Variants in CHRNA4 observed in about 807,000 individuals in gnomAD.
CHRNA4 encodes cholinergic receptor nicotinic alpha 4 subunit, also known as neuronal acetylcholine receptor subunit alpha-4.
In CHRNA4, 28 loss-of-function variants were observed where a neutral mutation model predicts 48.9. That is an observed-to-expected ratio of 0.57 (90% CI 0.42 to 0.79). CHRNA4 has a LOEUF of 0.79. Ranked by LOEUF, CHRNA4 falls within the 30% of genes least tolerant of loss-of-function variation. CHRNA4 has a pLI of 0.00. For missense variants in CHRNA4, 859 were observed against 898.4 expected, an observed-to-expected ratio of 0.96 and a Z score of 0.56; for synonymous variants, 425 against 402.3, an observed-to-expected ratio of 1.06 and a Z score of -0.68.
chr20:63,348,400 G>T (rs1290195884), intron 5 of CHRNA4, among the ~76,000 whole-genome samples: 5 of 152,376 alleles, frequency 3.3e-5, no homozygotes. Flanking sequence ...ACCTGCAGGA[G>T]GTTTTGCAGC....
chr20:63,343,358 C>G lies in CHRNA4; in HGVS notation c.*3380G>C, dbSNP rs1173220235. ...GCCACACGGTCGGCGGGGCTTGGTC[C>G]ATGGGGCTGGCCGGGCTTGCATCCC... On this transcript the variant is annotated 3_prime_UTR_variant, in exon 6 of 6. Coordinates refer to ENST00000370263, the MANE Select transcript of CHRNA4 (RefSeq NM_000744.7). 2.2e-6 allele frequency: 1 copy of G among 454,018 alleles called. No homozygotes were observed. Among genetic ancestry groups the G allele is most frequent in the Non-Finnish European group, 4.4e-6 (1 of 226,744 alleles). The allele number at this position is 454,018 out of a possible 1,614,324, so 28.1% of individuals were successfully genotyped here.
chr20:63,358,270 C>A (rs762172634), intron 2 of CHRNA4, among the ~76,000 whole-genome samples: 13 of 152,178 alleles, frequency 8.5e-5, no homozygotes, highest in Non-Finnish European at 1.3e-4. Context: ...AGCCTGTCCG[C>A]GGGAATGTGG....
rs1180711317 is a variant in CHRNA4, at chr20:63,343,705, G to C, written c.*3033C>G. 4.5e-6 allele frequency: 2 copies of C among 446,810 alleles called. No individual in the cohort carries two copies. The highest frequency in any genetic ancestry group is 4.0e-5 in the African/African-American group (2 of 49,768). The allele number at this position is 446,810 out of a possible 1,614,324, so 27.7% of individuals were successfully genotyped here. Reference sequence around the variant, plus strand: ...AAGCCCTGGCCAGGGCCTTCACTGGGGCCTCCCCTGGGAAGGAGGGGGCAG... The same window carrying C: ...AAGCCCTGGCCAGGGCCTTCACTGGCGCCTCCCCTGGGAAGGAGGGGGCAG... On this transcript the variant is annotated 3_prime_UTR_variant, in exon 6 of 6. Coordinates refer to ENST00000370263, the MANE Select transcript of CHRNA4 (RefSeq NM_000744.7).
Position 63,361,321 on chromosome 20 carries a change from G to C in CHRNA4, c.-156C>G. 8.3e-7 allele frequency: 1 copy of C among 1,200,138 alleles called. No homozygotes were observed. Among genetic ancestry groups the C allele is most frequent in the Non-Finnish European group, 1.0e-6 (1 of 969,760 alleles). The allele number at this position is 1,200,138 out of a possible 1,614,324, so 74.3% of individuals were successfully genotyped here. On this transcript the variant is annotated 5_prime_UTR_variant, in exon 1 of 6. Transcript: ENST00000370263. ...CTCCTGTGGGGCGCGGTGCGGCGGC[G>C]GCGCGGCAGGGAGCGCCGGGCTGTG...
Position 63,344,565 on chromosome 20 carries a change from C to T in CHRNA4, c.*2173G>A, listed in dbSNP as rs1477897387. 8.8e-6 allele frequency: 4 copies of T among 453,392 alleles called. No homozygotes were observed. The highest frequency in any genetic ancestry group is 1.6e-5 in the South Asian group (1 of 64,430). 28.1% of individuals were successfully genotyped at this position (453,392 alleles called of 1,614,324 possible). On this transcript the variant is annotated 3_prime_UTR_variant, in exon 6 of 6. Transcript: ENST00000370263. The surrounding 1 kb of genome is among the most constrained non-coding windows in gnomAD (Gnocchi z 4.5). ...CACCCCCGGCAGGAGGGTCCCCCGG[C>T]AGGAGCGTCCCAGCCACTCCGCAGT...
intron 4 of CHRNA4, among the ~76,000 whole-genome samples, chr20:63,351,536 C>G (rs1302770332): frequency 6.6e-6 from 1 of 152,186 alleles, no homozygotes; most frequent in Non-Finnish European, 1.5e-5. Flanking sequence ...CCCCGCCCCT[C>G]CAAGCAGCAC....
In CHRNA4 at chr20:63,350,907, G is replaced by C; in HGVS notation, c.504C>G (p.Phe168Leu). ...KSSCSIDVTF[F>L]PFDQQNCTMK... ...TGGTGCAGTTCTGCTGGTCGAAGGG[G>C]AAGAAGGTGACGTCGATGCTGCAGG... is the stretch of plus-strand genomic sequence containing the variant. Residue 168 changes from phenylalanine to leucine, a missense_variant, in exon 5 of 6, where the codon TTC (phenylalanine) becomes TTG (leucine). Physicochemically the swap from Phe to Leu is conservative, Grantham distance 22. Coordinates refer to ENST00000370263, the MANE Select transcript of CHRNA4 (RefSeq NM_000744.7). 1 of 1,614,026 alleles carries C rather than the reference G, an allele frequency of 6.2e-7. No individual in the cohort carries two copies. Among genetic ancestry groups the C allele is most frequent in the Non-Finnish European group, 8.5e-7 (1 of 1,180,020 alleles).
rs377710424 is a variant in CHRNA4, at chr20:63,347,318, C to G, written c.1759-455G>C. Among the ~76,000 whole-genome samples, 44 of 152,320 alleles carry G rather than the reference C, an allele frequency of 2.9e-4. 1 individual carries two copies. In the South Asian group the frequency reaches 7.7e-3, roughly 26 times the overall value. On this transcript the variant is annotated intron_variant, in intron 5 of 5. Transcript: ENST00000370263. Reference sequence around the variant, plus strand: ...AGATGGGCAAATGTGGCCCGGTGGGCGCACAGAGGGCGGACGAAAGCAGCA... The same window carrying G: ...AGATGGGCAAATGTGGCCCGGTGGGGGCACAGAGGGCGGACGAAAGCAGCA...
chr20:63,350,381 C>A lies in CHRNA4; in HGVS notation c.1030G>T (p.Val344Leu), dbSNP rs928557634. 5 of 1,613,826 alleles carry A rather than the reference C, an allele frequency of 3.1e-6. No individual in the cohort carries two copies. The highest frequency in any genetic ancestry group is 4.2e-6 in the Non-Finnish European group (5 of 1,180,032). ...ACGATGTCCAGGAAGACCCTGCGTA[C>A]CCAGGTGGGCATGGTGTGCGTGCGT... ...SPRTHTMPTW[V>L]RRVFLDIVPR... is the part of the protein sequence containing the mutation. Residue 344 changes from valine to leucine, a missense_variant, in exon 5 of 6, where the codon GTA becomes TTA. Physicochemically the swap from Val to Leu is conservative, Grantham distance 32. This residue lies in a region of CHRNA4 where 478 missense variants were observed against 455.4 expected (regional missense o/e 1.05). Coordinates refer to ENST00000370263, the MANE Select transcript of CHRNA4 (RefSeq NM_000744.7).
chr20:63,361,124 C>T lies in CHRNA4; in HGVS notation c.42G>A (p.Pro14=), dbSNP rs565990502. 1.1e-4 allele frequency: 164 copies of T among 1,477,786 alleles called. No homozygotes were observed. The African/African-American group carries it at 2.1e-3, about 19-fold the overall frequency. 91.5% of individuals were successfully genotyped at this position (1,477,786 alleles called of 1,614,324 possible). A position where few individuals can be genotyped will look rare whatever the true frequency, so the allele number is the denominator to read the frequency against. The change falls in exon 1 of 6, where the codon CCG becomes CCA. Residue 14 remains proline, a synonymous_variant. Transcript: ENST00000370263. ...GGCCGGTCCCCAGAAGCAGCAGCAG[C>T]GGCGGCAGCAGCCGCGGCGCTCCGG... ...GGPGAPRLLP[P]LLLLLGTGLL...
In CHRNA4 at chr20:63,345,337, G is replaced by A. The variant is rs201456779; in HGVS notation, c.*1401C>T. 1.8e-5 allele frequency: 8 copies of A among 451,306 alleles called. No homozygotes were observed. The highest frequency in any genetic ancestry group is 9.4e-5 in the Admixed American group (4 of 42,422). 28.0% of individuals were successfully genotyped at this position (451,306 alleles called of 1,614,324 possible). A position where few individuals can be genotyped will look rare whatever the true frequency, so the allele number is the denominator to read the frequency against. ...CTTCCTGACTGTCTCCTCCTGAACC[G>A]ATGTCACTCACAGGCAGGGGACACG... On this transcript the variant is annotated 3_prime_UTR_variant, in exon 6 of 6. Coordinates refer to ENST00000370263, the MANE Select transcript of CHRNA4 (RefSeq NM_000744.7). This position sits in a 1 kb window ranked among gnomAD's most constrained non-coding sequence, Gnocchi z 5.4.
intron 5 of CHRNA4, 168 bp downstream of exon 5, chr20:63,349,485 C>T (rs1448771709): frequency 1.1e-6 from 1 of 896,696 alleles, no homozygotes; most frequent in Non-Finnish European, 1.7e-6. Context: ...CCTGCGGCCA[C>T]ATAGCAGGCT....
At chr20:63,349,213 CG>C (rs1267514731) in intron 5 of CHRNA4, among the ~76,000 whole-genome samples, 2 of 152,088 alleles carry the variant, frequency 1.3e-5, no homozygotes, top group Non-Finnish European at 2.9e-5. Flanking sequence ...GCCCCAGATA[CG>C]GAGGGGCCCC....
In CHRNA4 at chr20:63,356,392, G is replaced by T; in HGVS notation, c.252C>A (p.Thr84=). 1 of 1,601,884 alleles carries T rather than the reference G, an allele frequency of 6.2e-7. No individual in the cohort carries two copies. The highest frequency in any genetic ancestry group is 8.5e-7 in the Non-Finnish European group (1 of 1,174,838). Residue 84 remains threonine, a synonymous_variant, in exon 3 of 6, where the codon ACC becomes ACA. Coordinates refer to ENST00000370263, the MANE Select transcript of CHRNA4 (RefSeq NM_000744.7). ...IDVDEKNQMM[T]TNVWVKQEWH... ...TCACCTGCTTCACCCATACGTTCGT[G>T]GTCATCATCTGGTTCTTCTCATCCT...
intron 2 of CHRNA4, among the ~76,000 whole-genome samples, chr20:63,357,491 G>T (rs1377635497): frequency 6.6e-6 from 1 of 152,240 alleles, no homozygotes; most frequent in African/African-American, 2.4e-5. Context: ...GGCCTGGGCT[G>T]GTTGGAAAAG....
intron 5 of CHRNA4, among the ~76,000 whole-genome samples, chr20:63,347,659 C>T (rs939328458): frequency 2.6e-5 from 4 of 152,184 alleles, no homozygotes; most frequent in Non-Finnish European, 4.4e-5. Flanking sequence ...CTGGCCACTG[C>T]CCTCGCCCCG....
intron 5 of CHRNA4, among the ~76,000 whole-genome samples, chr20:63,347,176 C>T (rs572481245): frequency 2.0e-4 from 31 of 152,332 alleles, no homozygotes; most frequent in African/African-American, 7.5e-4. Flanking sequence ...CCCCACTTCT[C>T]AGCAGGCGGC....
intron 4 of CHRNA4, among the ~76,000 whole-genome samples, chr20:63,352,158 TCTGC>T (rs45438201): frequency 0.096 from 14,635 of 152,178 alleles, 748 homozygotes; most frequent in Middle Eastern, 0.19. Context: ...CCATCCCTCC[TCTGC>T]CTCATTCCCT....
Position 63,350,423 on chromosome 20 carries a change from C to T in CHRNA4, c.988G>A (p.Val330Met), listed in dbSNP as rs951238893. 8.1e-6 allele frequency: 13 copies of T among 1,613,840 alleles called. No individual in the cohort carries two copies. The highest frequency in any genetic ancestry group is 1.3e-5 in the African/African-American group (1 of 75,004). ...SIVITVFVLN[V>M]HHRSPRTHTM... ...TGCGTGCGTGGCGAGCGGTGGTGCA[C>T]GTTGAGCACGAAGACCGTGATGACG... The change falls in exon 5 of 6, where the codon GTG becomes ATG. Residue 330 changes from valine (V) to methionine (M), a missense_variant. Physicochemically the swap from Val to Met is conservative, Grantham distance 21 (BLOSUM62 1). Coordinates refer to ENST00000370263, the MANE Select transcript of CHRNA4 (RefSeq NM_000744.7).
Sources: allele counts gnomAD v4.1 joint callset (sites outside exome capture counted in the v4.1 genomes callset), GRCh38; gene constraint gnomAD v4.1.1; regional missense constraint gnomAD v4.1.1; non-coding constraint Gnocchi (gnomAD v3.1); transcripts MANE v1.5; gene names NCBI Gene and HGNC (gene_info 2026-07-23, HGNC 2026-07-21).